IL1RAPL2: variants seen among roughly 807,000 people sequenced by gnomAD.
The protein encoded by IL1RAPL2 is interleukin 1 receptor accessory protein like 2.
Under a neutral mutation model 44.1 loss-of-function variants are expected in IL1RAPL2, and 3 were observed. That is an observed-to-expected ratio of 0.07 (90% CI 0.03 to 0.18). The LOEUF (loss-of-function observed/expected upper bound fraction) is 0.18, where lower values mean the gene tolerates loss of function less well. IL1RAPL2 is among the 10% of genes least tolerant of loss of function. The pLI is 1.00. For missense variants in IL1RAPL2, 391 were observed against 496.4 expected, an observed-to-expected ratio of 0.79 and a Z score of 2.02; for synonymous variants, 181 against 178.8, an observed-to-expected ratio of 1.01 and a Z score of -0.10.
At chrX:105,309,235 C>T (rs943164522) in intron 5 of IL1RAPL2, among the ~76,000 whole-genome samples, 5 of 106,387 alleles carry the variant, frequency 4.7e-5, no homozygotes, top group African/African-American at 1.7e-4. Context: ...TGGGGTTTCA[C>T]CATGTTGGCC....
chrX:105,666,693 T>A (rs2147850490), intron 6 of IL1RAPL2, among the ~76,000 whole-genome samples: 1 of 111,982 alleles, frequency 8.9e-6, no homozygotes, highest in Non-Finnish European at 1.9e-5. Flanking sequence ...CAGAAGGCAG[T>A]ATGCCTTAAC....
chrX:105,170,611 A>G (rs1157408080), intron 2 of IL1RAPL2, among the ~76,000 whole-genome samples: 1 of 111,800 alleles, frequency 8.9e-6, no homozygotes, highest in Non-Finnish European at 1.9e-5. Context: ...AGAAATGTTA[A>G]TATGACTTCC....
chrX:105,067,727 G>A (rs1383459604), intron 2 of IL1RAPL2, among the ~76,000 whole-genome samples: 1 of 112,183 alleles, frequency 8.9e-6, no homozygotes, highest in East Asian at 2.8e-4. Context: ...ATGATTAACT[G>A]AGGGTATTTA....
chrX:104,757,517 T>C (rs961036634), intron 2 of IL1RAPL2, among the ~76,000 whole-genome samples: 1 of 111,482 alleles, frequency 9.0e-6, no homozygotes, highest in Non-Finnish European at 1.9e-5. Flanking sequence ...AGCCATAAGA[T>C]TGGGTGAATT....
intron 6 of IL1RAPL2, among the ~76,000 whole-genome samples, chrX:105,641,778 G>A (rs1381093964): frequency 9.0e-6 from 1 of 111,114 alleles, no homozygotes; most frequent in African/African-American, 3.3e-5. Flanking sequence ...TATACATATT[G>A]GTAATACCTG....
In IL1RAPL2 at chrX:105,535,516, C is replaced by A. The variant is rs1043781660; in HGVS notation, c.772+51129C>A. 3.6e-5 allele frequency among the ~76,000 whole-genome samples: 4 copies of A among 111,994 alleles called. No individual in the cohort carries two copies. The South Asian group carries it at 1.5e-3, about 41-fold the overall frequency. ...CATAAACACACATGAATGTTCATAGCAGCTCTATTCATAATCTCCGAAAAC... is the reference window on the plus strand; with the variant it reads ...CATAAACACACATGAATGTTCATAGAAGCTCTATTCATAATCTCCGAAAAC... On this transcript the variant is annotated intron_variant, in intron 6 of 10. Transcript: ENST00000372582.
intron 2 of IL1RAPL2, among the ~76,000 whole-genome samples, chrX:104,997,773 G>A (rs183122880): frequency 2.7e-5 from 3 of 111,079 alleles, no homozygotes; most frequent in African/African-American, 9.8e-5. Context: ...TTGAACAATT[G>A]TGTATGTGGT....
chrX:105,202,767 C>T (rs1321330327), intron 3 of IL1RAPL2, among the ~76,000 whole-genome samples: 1 of 111,574 alleles, frequency 9.0e-6, no homozygotes, highest in Non-Finnish European at 1.9e-5. Context: ...CTTCATCTTA[C>T]TCGCTTGTGA....
chrX:104,583,348 C>T (rs1928450009), intron 1 of IL1RAPL2, among the ~76,000 whole-genome samples: 1 of 111,415 alleles, frequency 9.0e-6, no homozygotes, highest in African/African-American at 3.3e-5. Context: ...ATATTTTTAT[C>T]ATCTCAAAAA....
intron 5 of IL1RAPL2, among the ~76,000 whole-genome samples, chrX:105,444,205 A>G (rs189341028): frequency 9.0e-4 from 101 of 111,819 alleles, no homozygotes; most frequent in African/African-American, 3.0e-3. Context: ...TTTTTTTCCT[A>G]TAGAGCTGTT....
At chrX:105,148,064 C>T (rs2033194679) in intron 2 of IL1RAPL2, among the ~76,000 whole-genome samples, 1 of 111,199 alleles carries the variant, frequency 9.0e-6, no homozygotes, top group Non-Finnish European at 1.9e-5. Flanking sequence ...ATTATTGGTA[C>T]ACAAGCCCCA....
intron 4 of IL1RAPL2, among the ~76,000 whole-genome samples, chrX:105,261,478 T>TTTTGTTTG (rs369041202): frequency 0.018 from 1,967 of 110,552 alleles, 44 homozygotes; most frequent in African/African-American, 0.062. Flanking sequence ...CAGGCTGTTT[T>TTTTGTTTG]TTTGTTTGTT....
chrX:105,079,109 G>T (rs966241099), intron 2 of IL1RAPL2, among the ~76,000 whole-genome samples: 1 of 111,880 alleles, frequency 8.9e-6, no homozygotes, highest in Non-Finnish European at 1.9e-5. Context: ...GAAATCACCC[G>T]TCTTCTGCAT....
At chrX:104,999,281 C>A (rs903986602) in intron 2 of IL1RAPL2, among the ~76,000 whole-genome samples, 1 of 111,330 alleles carries the variant, frequency 9.0e-6, no homozygotes, top group Non-Finnish European at 1.9e-5. Context: ...ACTATGTGTA[C>A]GTGGAGTGGG....
intron 10 of IL1RAPL2, among the ~76,000 whole-genome samples, chrX:105,757,968 C>T (rs1359008464): frequency 9.0e-6 from 1 of 111,081 alleles, no homozygotes; most frequent in Middle Eastern, 4.2e-3. Flanking sequence ...CAGAGTAGAA[C>T]ATTTTGGACT....
chrX:105,463,000 C>A (rs145448500), intron 5 of IL1RAPL2, among the ~76,000 whole-genome samples: 3,535 of 111,267 alleles, frequency 0.032, 152 homozygotes, highest in African/African-American at 0.11. Context: ...AAACCCCTAC[C>A]ATGAAATCAC....
intron 4 of IL1RAPL2, among the ~76,000 whole-genome samples, chrX:105,248,107 T>C (rs756791233): frequency 9.0e-6 from 1 of 110,899 alleles, no homozygotes; most frequent in Non-Finnish European, 1.9e-5. Flanking sequence ...TAATGGATAT[T>C]TATGCATTTT....
At chrX:104,901,303 C>T (rs369655743) in intron 2 of IL1RAPL2, among the ~76,000 whole-genome samples, 4 of 99,180 alleles carry the variant, frequency 4.0e-5, no homozygotes, top group East Asian at 3.4e-4. Context: ...CTCCGCCTCC[C>T]GGGTTCACAC....
intron 2 of IL1RAPL2, among the ~76,000 whole-genome samples, chrX:105,121,484 T>A (rs2032924773): frequency 8.9e-6 from 1 of 111,868 alleles, no homozygotes. Context: ...TTAACAGGGC[T>A]GTTGGTTATG....
Sources: gnomAD v4.1 joint callset for allele counts (sites outside exome capture counted in the v4.1 genomes callset) on GRCh38, gnomAD v4.1.1 for gene constraint, MANE v1.5 for transcripts, NCBI Gene and HGNC (gene_info 2026-07-23, HGNC 2026-07-21) for gene names.